The following GLIS3 variants were observed in gnomAD, a reference collection of about 807,000 sequenced individuals.
GLIS3 encodes zinc finger protein GLIS3.
A neutral mutation model predicts 78.6 loss-of-function variants in GLIS3; 53 were observed. That is an observed-to-expected ratio of 0.67 (90% confidence interval 0.54 to 0.85). The LOEUF (loss-of-function observed/expected upper bound fraction) is 0.85. Ranked by LOEUF, GLIS3 falls within the 40% of genes least tolerant of loss-of-function variation. The probability of loss-of-function intolerance (pLI) is 0.00; values close to 1 mark genes in which losing one functional copy is unlikely to be tolerated. For synonymous variants in GLIS3, 684 were observed against 509.9 expected, an observed-to-expected ratio of 1.34 and a Z score of -4.60; for missense variants, 1,703 against 1,231.1, an observed-to-expected ratio of 1.38 and a Z score of -5.74.
At chr9:3,833,955 G>A (rs564223555) in intron 9 of GLIS3, among the ~76,000 whole-genome samples, 5 of 151,986 alleles carry the variant, frequency 3.3e-5, no homozygotes, top group African/African-American at 7.3e-5. Context: ...GAATATTTGA[G>A]GCTAATTATA....
chr9:4,167,725 T>A (rs1305140944), intron 2 of GLIS3, among the ~76,000 whole-genome samples: 1 of 152,230 alleles, frequency 6.6e-6, no homozygotes, highest in Non-Finnish European at 1.5e-5. Flanking sequence ...TCACTCACGT[T>A]CCTTTCACTG....
chr9:4,417,041 T>C, the GLIS3 span, among the ~76,000 whole-genome samples: 3 of 152,166 alleles, frequency 2.0e-5, no homozygotes, highest in African/African-American at 7.2e-5. Flanking sequence ...CTCTCAATTA[T>C]GCATTTTTGT....
chr9:3,874,525 G>C (rs73384238), intron 8 of GLIS3, among the ~76,000 whole-genome samples: 9 of 152,326 alleles, frequency 5.9e-5, no homozygotes, highest in African/African-American at 2.2e-4. Flanking sequence ...ATCCTGATTT[G>C]TAGTCAGTTT....
At chr9:4,151,348 A>G (rs1834662313) in intron 2 of GLIS3, among the ~76,000 whole-genome samples, 1 of 151,988 alleles carries the variant, frequency 6.6e-6, no homozygotes, top group Non-Finnish European at 1.5e-5. Context: ...TCCTCAAACT[A>G]TATGTTTTAG....
intron 4 of GLIS3, among the ~76,000 whole-genome samples, chr9:4,052,586 A>G (rs1464503303): frequency 6.6e-6 from 1 of 152,158 alleles, no homozygotes; most frequent in Non-Finnish European, 1.5e-5. Flanking sequence ...GAATGATACA[A>G]TATGTGGCCT....
intron 1 of GLIS3, among the ~76,000 whole-genome samples, chr9:4,292,980 G>T (rs115680133): frequency 0.01 from 1,577 of 152,248 alleles, 37 homozygotes; most frequent in African/African-American, 0.036. Context: ...CACATGGCCA[G>T]GGTTTGAGAC....
At chr9:4,267,663 T>C (rs944971092) in intron 2 of GLIS3, among the ~76,000 whole-genome samples, 1 of 152,200 alleles carries the variant, frequency 6.6e-6, no homozygotes, top group African/African-American at 2.4e-5. Context: ...TAGCTCCCAG[T>C]TCCTAAAAGG....
chr9:4,073,522 G>A (rs1201650088), intron 4 of GLIS3, among the ~76,000 whole-genome samples: 2 of 152,112 alleles, frequency 1.3e-5, no homozygotes, highest in African/African-American at 4.8e-5. Flanking sequence ...AGACACTCAG[G>A]GTGGGACAGG....
chr9:4,242,077 G>A (rs183644623), intron 2 of GLIS3, among the ~76,000 whole-genome samples: 26 of 152,242 alleles, frequency 1.7e-4, no homozygotes, highest in African/African-American at 5.8e-4. Context: ...GCTGCTTTGG[G>A]TCTCTCAGCA....
chr9:3,845,453 G>C (rs1191903903), intron 9 of GLIS3, among the ~76,000 whole-genome samples: 1 of 152,114 alleles, frequency 6.6e-6, no homozygotes, highest in Non-Finnish European at 1.5e-5. Context: ...CATTACCTTT[G>C]AGCAGTGGAA....
the GLIS3 span, among the ~76,000 whole-genome samples, chr9:4,374,949 T>G: frequency 6.6e-6 from 1 of 152,204 alleles, no homozygotes; most frequent in Admixed American, 6.5e-5. Flanking sequence ...ATTCTGCAGC[T>G]TGCTATTTAC....
At chr9:4,137,033 G>A (rs1833455492) in intron 2 of GLIS3, among the ~76,000 whole-genome samples, 1 of 152,232 alleles carries the variant, frequency 6.6e-6, no homozygotes, top group South Asian at 2.1e-4. Flanking sequence ...TAATCTGGAA[G>A]AGATGGGGAG....
At chr9:3,962,372 C>G (rs12555757) in intron 4 of GLIS3, among the ~76,000 whole-genome samples, 11,703 of 152,150 alleles carry the variant, frequency 0.077, 507 homozygotes, top group Middle Eastern at 0.14. Flanking sequence ...CACAATGACA[C>G]TTTCTTTAAA....
At chr9:4,260,888 C>T (rs765953559) in intron 2 of GLIS3, among the ~76,000 whole-genome samples, 21 of 152,176 alleles carry the variant, frequency 1.4e-4, no homozygotes, top group Non-Finnish European at 2.8e-4. Flanking sequence ...CTGTCTAATA[C>T]GGTAGCCACT....
At chr9:4,065,013 A>G (rs770555449) in intron 4 of GLIS3, among the ~76,000 whole-genome samples, 15 of 152,172 alleles carry the variant, frequency 9.9e-5, no homozygotes, top group Non-Finnish European at 1.8e-4. Context: ...CACTGTTACT[A>G]ATTTTTTAGA....
At chr9:3,958,455 G>C (rs535128725) in intron 4 of GLIS3, among the ~76,000 whole-genome samples, 1 of 152,334 alleles carries the variant, frequency 6.6e-6, no homozygotes, top group African/African-American at 2.4e-5. Flanking sequence ...AGTAATGCTA[G>C]TTGGGGTTGG....
chr9:4,034,776 G>A (rs960429874), intron 4 of GLIS3: 2 of 152,166 alleles, frequency 1.3e-5, no homozygotes, highest in Non-Finnish European at 2.9e-5. Flanking sequence ...GAGTTCAACA[G>A]CACAATTCCT....
intron 2 of GLIS3, among the ~76,000 whole-genome samples, chr9:4,133,874 A>ACACACACACACACC (rs768664577): frequency 1.7e-4 from 21 of 123,982 alleles, no homozygotes; most frequent in Middle Eastern, 3.9e-3. Context: ...ACACACACAC[A>ACACACACACACACC]CCGTACATCT....
chr9:4,310,214 A>G (rs188305674), intron 3 of GLIS3, among the ~76,000 whole-genome samples: 117 of 152,330 alleles, frequency 7.7e-4, no homozygotes, highest in African/African-American at 2.5e-3. Flanking sequence ...GCTATGGGCA[A>G]GGGGTAGATG....
Sources: allele counts gnomAD v4.1 joint callset (sites outside exome capture counted in the v4.1 genomes callset), GRCh38; gene constraint gnomAD v4.1.1; transcripts MANE v1.5; gene names NCBI Gene and HGNC (gene_info 2026-07-23, HGNC 2026-07-21).